The following TANGO6 variants were observed in gnomAD, a reference collection of about 807,000 sequenced individuals.
TANGO6 encodes transport and golgi organization 6 homolog.
TANGO6 carries 90 observed loss-of-function variants against 114.2 expected under a neutral mutation model. The ratio of observed to expected loss-of-function variants is 0.79; its 90% confidence interval spans 0.66 to 0.94. The LOEUF (loss-of-function observed/expected upper bound fraction) is 0.94. Ranked by LOEUF, TANGO6 falls within the 40% of genes least tolerant of loss-of-function variation. The probability of loss-of-function intolerance (pLI) is 0.00; values close to 1 mark genes in which losing one functional copy is unlikely to be tolerated. For missense variants in TANGO6, 1,274 were observed against 1,315.3 expected (o/e 0.97, Z 0.49); for synonymous variants, 477 against 509.8 (o/e 0.94, Z 0.87).
At chr16:68,970,667 C>CAATAAAAAA (rs1963693211) in intron 14 of TANGO6, among the ~76,000 whole-genome samples, 1 of 110,632 alleles carries the variant, frequency 9.0e-6, no homozygotes, top group Non-Finnish European at 1.9e-5. Context: ...AACTTCGTCT[C>CAATAAAAAA]AAAAAAAAAA....
At chr16:68,922,091 C>T (rs537727643) in intron 12 of TANGO6, among the ~76,000 whole-genome samples, 5 of 151,962 alleles carry the variant, frequency 3.3e-5, no homozygotes, top group Admixed American at 2.6e-4. Flanking sequence ...GTTGTTTTGG[C>T]TTATTAAAAA....
Position 68,938,505 on chromosome 16 carries a change from GT to G in TANGO6, c.2701+8220del, listed in dbSNP as rs1002954289. On this transcript the variant is annotated intron_variant, in intron 14 of 17. Transcript: ENST00000261778. Reference sequence around the variant, plus strand: ...TTTTTGGAGCAACATTATGTGCCTTGTTTTTTTTTTCCCTGGTCTCTCAACT... The same window carrying G: ...TTTTTGGAGCAACATTATGTGCCTTGTTTTTTTTTCCCTGGTCTCTCAACT... 6.7e-5 allele frequency among the ~76,000 whole-genome samples: 10 copies of G among 149,136 alleles called. 1 individual carries two copies. The highest frequency in any genetic ancestry group is 6.7e-5 in the Admixed American group (1 of 14,942).
chr16:69,009,192 C>T (rs368554111), intron 15 of TANGO6, among the ~76,000 whole-genome samples: 3 of 149,200 alleles, frequency 2.0e-5, no homozygotes. Flanking sequence ...AGCGATTCTC[C>T]TGTCTCAGCC....
intron 11 of TANGO6, among the ~76,000 whole-genome samples, chr16:68,912,668 G>GA (rs1413037746): frequency 2.0e-5 from 3 of 151,774 alleles, no homozygotes; most frequent in Admixed American, 2.0e-4. Flanking sequence ...AAACAACAGG[G>GA]AAGTTCATAA....
chr16:68,935,554 C>G (rs909752193), intron 14 of TANGO6, among the ~76,000 whole-genome samples: 2 of 152,140 alleles, frequency 1.3e-5, no homozygotes, highest in Non-Finnish European at 2.9e-5. Context: ...GTGTGTATCT[C>G]TGTTTATTCT....
intron 14 of TANGO6, among the ~76,000 whole-genome samples, chr16:68,959,415 T>C (rs1963566873): frequency 6.6e-6 from 1 of 151,944 alleles, no homozygotes; most frequent in Admixed American, 6.6e-5. Flanking sequence ...GGTGAAACCC[T>C]GTCTCTACTA....
chr16:68,867,619 C>T (rs534043932), intron 4 of TANGO6: 51 of 158,116 alleles, frequency 3.2e-4, no homozygotes, highest in Non-Finnish European at 5.3e-4. Context: ...GCAGGTGGAT[C>T]ACTTAAAGTC....
chr16:68,988,692 C>CTT (rs397855895), intron 15 of TANGO6, among the ~76,000 whole-genome samples: 3,485 of 112,250 alleles, frequency 0.031, 97 homozygotes, highest in African/African-American at 0.04. Context: ...TTCTCTCTCT[C>CTT]TTTTTTTTTT....
At chr16:69,078,083 GT>G (rs768296600) in intron 17 of TANGO6, among the ~76,000 whole-genome samples, 1 of 152,026 alleles carries the variant, frequency 6.6e-6, no homozygotes, top group Non-Finnish European at 1.5e-5. Context: ...GAGGCCAAGG[GT>G]ATAAGAGTCC....
intron 8 of TANGO6, 143 bp from the exon 9 acceptor site, chr16:68,902,185 T>G: frequency 1.6e-6 from 1 of 635,788 alleles, no homozygotes; most frequent in Non-Finnish European, 2.5e-6. Context: ...TACTTTCCAT[T>G]CCTGCATTTC....
intron 17 of TANGO6, among the ~76,000 whole-genome samples, chr16:69,063,521 TC>T (rs1287908952): frequency 1.4e-5 from 2 of 146,342 alleles, no homozygotes; most frequent in Non-Finnish European, 3.0e-5. Flanking sequence ...CGAGACCCCG[TC>T]TCAAAAAAAA....
At chr16:68,958,967 A>G (rs1020527623) in intron 14 of TANGO6, among the ~76,000 whole-genome samples, 4 of 152,144 alleles carry the variant, frequency 2.6e-5, no homozygotes, top group African/African-American at 9.7e-5. Context: ...GTCCTGTTAT[A>G]TCTCACTAAA....
intron 17 of TANGO6, among the ~76,000 whole-genome samples, chr16:69,055,382 C>G (rs562643340): frequency 1.3e-5 from 2 of 152,210 alleles, no homozygotes; most frequent in Non-Finnish European, 2.9e-5. Flanking sequence ...CCTTCAGTCC[C>G]CTGTCCTGGA....
intron 17 of TANGO6, among the ~76,000 whole-genome samples, chr16:69,077,373 G>A (rs1290330449): frequency 2.0e-5 from 3 of 152,106 alleles, no homozygotes; most frequent in Admixed American, 6.6e-5. Flanking sequence ...TAGTTGTCTG[G>A]CAGTGTTTCA....
chr16:68,875,496 G>A (rs944068786), intron 5 of TANGO6, among the ~76,000 whole-genome samples: 1 of 152,196 alleles, frequency 6.6e-6, no homozygotes, highest in Admixed American at 6.5e-5. Context: ...GCCAGGCGCA[G>A]TGGCTCACGC....
intron 1 of TANGO6, among the ~76,000 whole-genome samples, chr16:68,853,963 A>T (rs868441136): frequency 2.0e-5 from 3 of 152,134 alleles, no homozygotes; most frequent in Non-Finnish European, 4.4e-5. Flanking sequence ...CCATTTTTTT[A>T]AAAAATAGTT....
At chr16:68,924,557 G>A (rs1963142052) in intron 12 of TANGO6, among the ~76,000 whole-genome samples, 1 of 151,992 alleles carries the variant, frequency 6.6e-6, no homozygotes, top group Admixed American at 6.6e-5. Context: ...GGAGGCTGAG[G>A]TGGGAAGATC....
At chr16:68,904,785 A>G (rs1449490807) in intron 9 of TANGO6, among the ~76,000 whole-genome samples, 1 of 152,188 alleles carries the variant, frequency 6.6e-6, no homozygotes, top group Non-Finnish European at 1.5e-5. Flanking sequence ...ATTTGTTTAT[A>G]TGATAATATG....
chr16:69,071,218 T>G (rs757045482), intron 17 of TANGO6, among the ~76,000 whole-genome samples: 3 of 152,194 alleles, frequency 2.0e-5, no homozygotes, highest in Non-Finnish European at 4.4e-5. Context: ...ATGCCTAACT[T>G]CTGGAAATGC....
Sources: gnomAD v4.1 joint callset for allele counts (sites outside exome capture counted in the v4.1 genomes callset) on GRCh38, gnomAD v4.1.1 for gene constraint, MANE v1.5 for transcripts, NCBI Gene and HGNC (gene_info 2026-07-23, HGNC 2026-07-21) for gene names.